The following XRN1 variants were observed in gnomAD, a reference collection of about 807,000 sequenced individuals.
XRN1 encodes strand-exchange protein 1 homolog.
Under a neutral mutation model 222.3 loss-of-function variants are expected in XRN1, and 67 were observed. The observed-to-expected ratio is 0.30, with a 90% CI of 0.25 to 0.37. The LOEUF is 0.37. Ranked by LOEUF, XRN1 falls within the 10% of genes least tolerant of loss-of-function variation. The pLI, the probability that XRN1 is intolerant of heterozygous loss-of-function variation, is 1.00. For missense variants in XRN1, 1,707 were observed against 2,000.2 expected, an observed-to-expected ratio of 0.85 and a Z score of 2.80; for synonymous variants, 643 against 652.4, an observed-to-expected ratio of 0.99 and a Z score of 0.22.
intron 37 of XRN1, among the ~76,000 whole-genome samples, chr3:142,324,920 G>C (rs535358183): frequency 6.6e-6 from 1 of 152,166 alleles, no homozygotes; most frequent in South Asian, 2.1e-4. Flanking sequence ...ATCTTGAGAA[G>C]TGTGTATATA....
chr3:142,358,748 C>A (rs567337053), intron 30 of XRN1, among the ~76,000 whole-genome samples: 1 of 152,202 alleles, frequency 6.6e-6, no homozygotes, highest in African/African-American at 2.4e-5. Context: ...CCGGAAAAGT[C>A]TTTGAATAAC....
rs2065004034 is a variant in XRN1, at chr3:142,308,084, G to A, written c.*3427C>T. 1 of 152,016 alleles carries A rather than the reference G, an allele frequency of 6.6e-6. No individual in the cohort carries two copies. The highest frequency in any genetic ancestry group is 1.5e-5 in the Non-Finnish European group (1 of 68,006). The allele number at this position is 152,016 out of a possible 1,614,324, so 9.4% of individuals were successfully genotyped here. ...ACAGAACTAACTTGAGTGAAGATCT[G>A]CACAGCTCTATCTCATATAATAAAA... On this transcript the variant is annotated 3_prime_UTR_variant, in exon 41 of 41. Coordinates refer to ENST00000392981, the MANE Select transcript of XRN1 (RefSeq NM_001282857.2).
At chr3:142,356,878 G>C (rs1559811608) in intron 31 of XRN1, 34 bp downstream of exon 31, 3 of 1,579,542 alleles carry the variant, frequency 1.9e-6, no homozygotes, top group East Asian at 2.2e-5. Context: ...TTTGTAAAAG[G>C]GGTAGAGGAG....
chr3:142,400,352 AATTTT>A, intron 19 of XRN1, 87 bp downstream of exon 19: 1 of 1,041,276 alleles, frequency 9.6e-7, no homozygotes, highest in South Asian at 1.7e-5. Context: ...TTCTTAATAT[AATTTT>A]GTCAGTTAAA....
chr3:142,317,657 A>G (rs1577207277), intron 39 of XRN1, among the ~76,000 whole-genome samples: 1 of 152,286 alleles, frequency 6.6e-6, no homozygotes, highest in South Asian at 2.1e-4. Context: ...CAGAGGGAAG[A>G]CGGGGGTAGT....
chr3:142,365,021 A>G (rs1479562726), intron 29 of XRN1, 26 bp downstream of exon 29: 3 of 1,602,672 alleles, frequency 1.9e-6, no homozygotes, highest in Non-Finnish European at 2.6e-6. Flanking sequence ...ATTACGTTGA[A>G]GACATTTCAA....
intron 23 of XRN1, 70 bp from the exon 24 acceptor site, chr3:142,376,664 T>G: frequency 8.8e-7 from 1 of 1,141,588 alleles, no homozygotes; most frequent in Non-Finnish European, 1.3e-6. Context: ...TTCTTTACCT[T>G]TAAAATCTGG....
chr3:142,388,027 G>A (rs749207340), intron 20 of XRN1, among the ~76,000 whole-genome samples: 1 of 152,116 alleles, frequency 6.6e-6, no homozygotes, highest in Non-Finnish European at 1.5e-5. Context: ...AGAACTTTGA[G>A]CCAAACATAC....
intron 26 of XRN1, among the ~76,000 whole-genome samples, 198 bp downstream of exon 26, chr3:142,371,041 T>G (rs1352103676): frequency 1.3e-5 from 2 of 149,584 alleles, no homozygotes; most frequent in Middle Eastern, 3.4e-3. Context: ...GAGGCTGAGG[T>G]AGGAGGATTG....
chr3:142,430,805 G>A (rs911171500), intron 2 of XRN1, among the ~76,000 whole-genome samples: 1 of 152,134 alleles, frequency 6.6e-6, no homozygotes, highest in African/African-American at 2.4e-5. Flanking sequence ...CCCATGAACC[G>A]GGACACAGCC....
At chr3:142,415,923 T>C (rs370622626) in intron 13 of XRN1, among the ~76,000 whole-genome samples, 2 of 152,108 alleles carry the variant, frequency 1.3e-5, no homozygotes, top group East Asian at 3.9e-4. Context: ...TTTGCTAGAA[T>C]AGGAAACATG....
chr3:142,433,162 C>T (rs1302601294), intron 1 of XRN1, among the ~76,000 whole-genome samples: 1 of 152,054 alleles, frequency 6.6e-6, no homozygotes, highest in African/African-American at 2.4e-5. Context: ...TCCAAGAAAA[C>T]ACCAAATAAA....
At chr3:142,390,206 C>G (rs935272477) in intron 20 of XRN1, among the ~76,000 whole-genome samples, 6 of 152,202 alleles carry the variant, frequency 3.9e-5, no homozygotes, top group African/African-American at 2.4e-5. Flanking sequence ...CTTAAAGTAA[C>G]CAGTTGCACT....
rs1030624329 is a variant in XRN1, at chr3:142,308,540, A to G, written c.*2971T>C. ...GACTTTAATTTTTTTCTGCAACTAC[A>G]ACTGAGTCTTAGATGTTTAAGACTT... On this transcript the variant is annotated 3_prime_UTR_variant, in exon 41 of 41. Transcript: ENST00000392981. 1 of 152,200 alleles carries G rather than the reference A, an allele frequency of 6.6e-6. No individual in the cohort carries two copies. The highest frequency in any genetic ancestry group is 1.5e-5 in the Non-Finnish European group (1 of 68,028). 9.4% of individuals were successfully genotyped at this position (152,200 alleles called of 1,614,324 possible). A position where few individuals can be genotyped will look rare whatever the true frequency, so the allele number is the denominator to read the frequency against.
chr3:142,311,774 T>G lies in XRN1; in HGVS notation c.4822A>C (p.Asn1608His), dbSNP rs1167522617. Residue 1608 changes from asparagine to histidine, a missense_variant, in exon 41 of 41, where the codon AAT (asparagine) becomes CAT (histidine). Coordinates refer to ENST00000392981, the MANE Select transcript of XRN1 (RefSeq NM_001282857.2). ...KRVANKKNFE[N>H]KEAQSSQATP... ...GCTTGAGAACTCTGGGCTTCCTTAT[T>G]CTCAAAGTTCTTTTTGTTTGCAACC... 5 of 1,601,748 alleles carry G rather than the reference T, an allele frequency of 3.1e-6. No individual in the cohort carries two copies. Among genetic ancestry groups the G allele is most frequent in the African/African-American group, 1.3e-5 (1 of 74,102 alleles).
At chr3:142,332,820 G>C in intron 35 of XRN1, 147 bp downstream of exon 35, 1 of 1,264,044 alleles carries the variant, frequency 7.9e-7, no homozygotes, top group Admixed American at 2.7e-5. Flanking sequence ...AATTGCCCAG[G>C]GCAGCCTGGT....
At chr3:142,312,085 G>A (rs1042410065) in intron 40 of XRN1, among the ~76,000 whole-genome samples, 8 of 152,014 alleles carry the variant, frequency 5.3e-5, no homozygotes, top group African/African-American at 1.9e-4. Context: ...CCTAGGGTTC[G>A]AGACCATGGC....
At chr3:142,433,596 T>G (rs2069727672) in intron 1 of XRN1, among the ~76,000 whole-genome samples, 1 of 152,172 alleles carries the variant, frequency 6.6e-6, no homozygotes, top group East Asian at 1.9e-4. Flanking sequence ...AACAAAAATT[T>G]TTTTAACTAA....
chr3:142,426,597 G>A (rs752761776), intron 3 of XRN1, 147 bp downstream of exon 3: 16 of 675,376 alleles, frequency 2.4e-5, no homozygotes, highest in South Asian at 8.7e-5. Flanking sequence ...TGACCAAATC[G>A]TCTCATGAGC....
Sources: allele counts gnomAD v4.1 joint callset (sites outside exome capture counted in the v4.1 genomes callset), GRCh38; gene constraint gnomAD v4.1.1; transcripts MANE v1.5; gene names NCBI Gene and HGNC (gene_info 2026-07-23, HGNC 2026-07-21).